ERC2: variants seen among roughly 807,000 people sequenced by gnomAD.
ERC2 encodes the protein ELKS/RAB6-interacting/CAST family member 2, also known as ERC protein 2.
Under a neutral mutation model 114.8 loss-of-function variants are expected in ERC2, and 42 were observed. That is an observed-to-expected ratio of 0.37 (90% CI 0.29 to 0.47). The LOEUF is 0.47. ERC2 is among the 20% of genes least tolerant of loss of function. The pLI is 0.99. For synonymous variants in ERC2, 454 were observed against 425.5 expected, an observed-to-expected ratio of 1.07 and a Z score of -0.82; for missense variants, 939 against 1,150.7, an observed-to-expected ratio of 0.82 and a Z score of 2.66.
chr3:55,814,939 G>C (rs2059853870), intron 14 of ERC2, among the ~76,000 whole-genome samples: 3 of 152,150 alleles, frequency 2.0e-5, no homozygotes, highest in Admixed American at 1.3e-4. Context: ...GTCTAGACAA[G>C]ATACCCCATC....
intron 17 of ERC2, among the ~76,000 whole-genome samples, chr3:55,596,110 C>A (rs754711457): frequency 5.9e-5 from 9 of 151,966 alleles, no homozygotes; most frequent in Non-Finnish European, 1.2e-4. Flanking sequence ...ACTCCCAAAC[C>A]AGTAGGGGGA....
chr3:55,602,939 G>T (rs975757874), intron 17 of ERC2, among the ~76,000 whole-genome samples: 2 of 152,148 alleles, frequency 1.3e-5, no homozygotes, highest in Admixed American at 1.3e-4. Context: ...CTGGCTGTGG[G>T]TTCTCAGAGG....
At chr3:56,276,459 T>TAAAAAAAACAAAAAAAAAAAAA (rs2053996306) in intron 3 of ERC2, among the ~76,000 whole-genome samples, 1 of 82,916 alleles carries the variant, frequency 1.2e-5, no homozygotes, top group Non-Finnish European at 2.4e-5. Flanking sequence ...CAAACTCAGC[T>TAAAAAAAACAAAAAAAAAAAAA]AAAAAAAAAA....
intron 2 of ERC2, among the ~76,000 whole-genome samples, chr3:56,348,031 A>AT (rs2058374474): frequency 6.6e-6 from 1 of 152,214 alleles, no homozygotes; most frequent in Admixed American, 6.5e-5. Flanking sequence ...GAGTGGACAC[A>AT]TAATTCTCAA....
chr3:56,172,419 C>A (rs1363259229), intron 4 of ERC2, among the ~76,000 whole-genome samples: 1 of 152,128 alleles, frequency 6.6e-6, no homozygotes, highest in Non-Finnish European at 1.5e-5. Flanking sequence ...ATTGCACATG[C>A]CAAGAATTCA....
chr3:55,851,023 G>T (rs1233836775), intron 14 of ERC2, among the ~76,000 whole-genome samples: 1 of 152,060 alleles, frequency 6.6e-6, no homozygotes, highest in Non-Finnish European at 1.5e-5. Flanking sequence ...CCATCAAATA[G>T]CCTGGAGAGC....
chr3:56,394,812 CT>C (rs1218451561), intron 2 of ERC2, among the ~76,000 whole-genome samples: 4 of 151,840 alleles, frequency 2.6e-5, no homozygotes, highest in African/African-American at 9.7e-5. Context: ...TCTAATAGTC[CT>C]AAAAAGGTTA....
intron 13 of ERC2, among the ~76,000 whole-genome samples, chr3:55,934,571 C>T (rs910589248): frequency 5.3e-5 from 8 of 152,102 alleles, no homozygotes; most frequent in Non-Finnish European, 1.5e-5. Flanking sequence ...GAATGGATTC[C>T]AGGCCTACGT....
At chr3:56,030,099 T>C (rs1009617214) in intron 7 of ERC2, among the ~76,000 whole-genome samples, 13 of 152,170 alleles carry the variant, frequency 8.5e-5, no homozygotes, top group African/African-American at 3.1e-4. Context: ...GATATATAAT[T>C]TTCAAGTGTT....
At chr3:55,942,482 A>T in intron 13 of ERC2, among the ~76,000 whole-genome samples, 1 of 146,176 alleles carries the variant, frequency 6.8e-6, no homozygotes, top group African/African-American at 2.5e-5. Flanking sequence ...TATTTTTAGT[A>T]GAGACGGGGT....
At chr3:55,723,340 A>G (rs1054438173) in intron 15 of ERC2, among the ~76,000 whole-genome samples, 94 of 152,170 alleles carry the variant, frequency 6.2e-4, no homozygotes, top group African/African-American at 2.2e-3. Flanking sequence ...ACATTTTTTG[A>G]AGTTTCTATT....
chr3:56,245,569 A>AT lies in ERC2; in HGVS notation c.1074+50449dup, dbSNP rs774565757. ...ATACACTCTTAGTCATATGATTATT[A>AT]TTTTTTTTTTTGAGACAGAGTCTTG... On this transcript the variant is annotated intron_variant, in intron 3 of 17. Transcript: ENST00000288221. Among the ~76,000 whole-genome samples the AT allele has an allele frequency of 1.5e-3, 224 of 145,598 alleles. 1 individual carries two copies. The highest frequency in any genetic ancestry group is 3.5e-3 in the Middle Eastern group (1 of 282).
At chr3:56,011,475 C>T (rs1247480929) in intron 8 of ERC2, among the ~76,000 whole-genome samples, 2 of 152,150 alleles carry the variant, frequency 1.3e-5, no homozygotes, top group Admixed American at 6.5e-5. Context: ...TGAGACCACA[C>T]TGCCACAAAC....
intron 17 of ERC2, among the ~76,000 whole-genome samples, chr3:55,676,135 C>A (rs1443687204): frequency 6.6e-6 from 1 of 151,644 alleles, no homozygotes; most frequent in African/African-American, 2.4e-5. Flanking sequence ...GTTGGCCAGG[C>A]TGGTCTTGAA....
intron 17 of ERC2, among the ~76,000 whole-genome samples, chr3:55,666,976 A>G (rs1177992445): frequency 1.3e-5 from 2 of 152,196 alleles, no homozygotes; most frequent in African/African-American, 4.8e-5. Context: ...GCACATACCA[A>G]TATCTTATAT....
chr3:56,387,270 AT>A (rs748803257), intron 2 of ERC2, among the ~76,000 whole-genome samples: 1 of 152,176 alleles, frequency 6.6e-6, no homozygotes, highest in Non-Finnish European at 1.5e-5. Flanking sequence ...ATTTGTTATT[AT>A]TGTTATAGAG....
intron 2 of ERC2, among the ~76,000 whole-genome samples, chr3:56,371,037 A>C (rs112381972): frequency 6.6e-6 from 1 of 152,226 alleles, no homozygotes. Flanking sequence ...GACTGCCATG[A>C]TTGAAATATA....
chr3:55,798,365 G>A (rs62249349), intron 14 of ERC2, among the ~76,000 whole-genome samples: 14,957 of 152,086 alleles, frequency 0.098, 1,225 homozygotes, highest in African/African-American at 0.23. Context: ...TTCGGAGGCC[G>A]AGGCGGGCAG....
intron 3 of ERC2, among the ~76,000 whole-genome samples, chr3:56,191,678 T>A (rs531726375): frequency 2.0e-5 from 3 of 152,086 alleles, no homozygotes; most frequent in African/African-American, 7.2e-5. Context: ...ATGTTGCACA[T>A]CACCCTCCAA....
Sources: allele counts gnomAD v4.1 joint callset (sites outside exome capture counted in the v4.1 genomes callset), GRCh38; gene constraint gnomAD v4.1.1; transcripts MANE v1.5; gene names NCBI Gene and HGNC (gene_info 2026-07-23, HGNC 2026-07-21).